CDH8: variants seen among roughly 807,000 people sequenced by gnomAD.
The protein encoded by CDH8 is cadherin-8.
In CDH8, 17 loss-of-function variants were observed where a neutral mutation model predicts 68.1. The ratio of observed to expected loss-of-function variants is 0.25; its 90% CI spans 0.17 to 0.37. The LOEUF (loss-of-function observed/expected upper bound fraction) is 0.37. Ranked by LOEUF, CDH8 falls within the 10% of genes least tolerant of loss-of-function variation. CDH8 has a pLI of 1.00. For missense variants in CDH8, 763 were observed against 999.3 expected (o/e 0.76, Z 3.19); for synonymous variants, 372 against 365.1 (o/e 1.02, Z -0.21).
chr16:61,733,393 C>CA (rs953650829), intron 8 of CDH8, among the ~76,000 whole-genome samples: 15 of 148,392 alleles, frequency 1.0e-4, no homozygotes, highest in Non-Finnish European at 1.3e-4. Context: ...TGACTTTTTG[C>CA]AAAAAAAAAT....
chr16:61,953,926 T>TATATATATATATATATAA (rs1366207636), intron 2 of CDH8, among the ~76,000 whole-genome samples: 4 of 118,982 alleles, frequency 3.4e-5, no homozygotes, highest in African/African-American at 1.3e-4. Context: ...TATATATATA[T>TATATATATATATATATAA]AAAATACCTT....
At chr16:61,747,842 T>A (rs1392230336) in intron 8 of CDH8, among the ~76,000 whole-genome samples, 2 of 152,072 alleles carry the variant, frequency 1.3e-5, no homozygotes, top group Non-Finnish European at 2.9e-5. Context: ...ATTGTCAACC[T>A]CTGAATTTCT....
intron 2 of CDH8, among the ~76,000 whole-genome samples, chr16:61,916,142 G>A (rs946205797): frequency 1.3e-5 from 2 of 152,164 alleles, no homozygotes; most frequent in African/African-American, 4.8e-5. Flanking sequence ...CTTCCTCCAA[G>A]TATTTCTATA....
intron 2 of CDH8, among the ~76,000 whole-genome samples, chr16:62,005,149 C>A (rs1433713165): frequency 6.6e-6 from 1 of 152,216 alleles, no homozygotes. Flanking sequence ...CCTACCAGGT[C>A]ACAGTACATA....
chr16:61,947,806 T>C (rs1567539972), intron 2 of CDH8, among the ~76,000 whole-genome samples: 1 of 152,160 alleles, frequency 6.6e-6, no homozygotes, highest in Non-Finnish European at 1.5e-5. Context: ...TGAATTGTTA[T>C]TGGTCAACTT....
chr16:61,962,638 T>C (rs1483745217), intron 2 of CDH8, among the ~76,000 whole-genome samples: 5 of 152,182 alleles, frequency 3.3e-5, no homozygotes, highest in Non-Finnish European at 7.3e-5. Flanking sequence ...TCCTTTCTGT[T>C]CAAAACTGAA....
In CDH8 at chr16:61,782,716, G is replaced by T. The variant is rs570102671; in HGVS notation, c.1414+6630C>A. On this transcript the variant is annotated intron_variant, in intron 8 of 11. Transcript: ENST00000577390. The stretch of plus-strand genomic sequence containing the variant: ...CTGACAGCTTTGAAGAGAGCAGTGG[G>T]TCTCCCAGCATGCAGCTGGAGATCT... Among the ~76,000 whole-genome samples the T allele has an allele frequency of 5.3e-3, 805 of 151,676 alleles. 2 individuals are homozygous for T. The highest frequency in any genetic ancestry group is 7.4e-3 in the Non-Finnish European group (501 of 67,806).
At chr16:61,881,384 T>C (rs1395484904) in intron 3 of CDH8, among the ~76,000 whole-genome samples, 6 of 151,806 alleles carry the variant, frequency 4.0e-5, no homozygotes, top group African/African-American at 1.5e-4. Flanking sequence ...GGAGAGTGAA[T>C]TAAAAAATAA....
At chr16:61,660,770 A>C (rs760975256) in intron 10 of CDH8, among the ~76,000 whole-genome samples, 13 of 152,076 alleles carry the variant, frequency 8.5e-5, no homozygotes, top group Non-Finnish European at 1.6e-4. Context: ...TAACATATTC[A>C]AAATGCTCAA....
intron 6 of CDH8, 47 bp downstream of exon 6, chr16:61,820,879 G>A: frequency 6.5e-7 from 1 of 1,531,284 alleles, no homozygotes; most frequent in Non-Finnish European, 8.9e-7. Flanking sequence ...TAAAACTCAA[G>A]TTTCAACAAG....
intron 10 of CDH8, among the ~76,000 whole-genome samples, chr16:61,660,196 G>A (rs533766007): frequency 3.4e-4 from 51 of 152,124 alleles, no homozygotes; most frequent in Non-Finnish European, 5.9e-4. Context: ...TCCCAGTTTT[G>A]CTATATTATC....
intron 3 of CDH8, among the ~76,000 whole-genome samples, chr16:61,865,657 TC>T (rs1963239864): frequency 6.6e-6 from 1 of 152,196 alleles, no homozygotes; most frequent in African/African-American, 2.4e-5. Flanking sequence ...GTTTTATAGT[TC>T]CATGTGCATA....
chr16:61,740,809 C>A (rs1188843042), intron 8 of CDH8, among the ~76,000 whole-genome samples: 2 of 151,930 alleles, frequency 1.3e-5, no homozygotes, highest in Non-Finnish European at 2.9e-5. Flanking sequence ...CATTTGGGTT[C>A]TTTCAGTATT....
intron 8 of CDH8, among the ~76,000 whole-genome samples, chr16:61,745,465 C>T (rs1959997848): frequency 2.0e-5 from 3 of 151,960 alleles, no homozygotes; most frequent in Non-Finnish European, 4.4e-5. Context: ...CCTTCCTCCT[C>T]TCTGGAGTGT....
intron 8 of CDH8, among the ~76,000 whole-genome samples, chr16:61,761,289 T>C (rs1960460836): frequency 6.6e-6 from 1 of 152,188 alleles, no homozygotes; most frequent in Admixed American, 6.6e-5. Context: ...CTGCAAGTTA[T>C]AAATAGAGAC....
intron 2 of CDH8, among the ~76,000 whole-genome samples, chr16:61,906,207 T>C (rs1350095198): frequency 1.3e-5 from 2 of 152,194 alleles, no homozygotes; most frequent in African/African-American, 4.8e-5. Flanking sequence ...AGTTTTGTTG[T>C]AGTATATTGC....
chr16:61,727,274 A>C, intron 8 of CDH8, 59 bp from the exon 9 acceptor site: 1 of 1,512,676 alleles, frequency 6.6e-7, no homozygotes, highest in South Asian at 1.3e-5. Context: ...CGTGCAACTC[A>C]ACTTTCTCTT....
At chr16:61,904,754 C>T (rs1169535953) in intron 2 of CDH8, among the ~76,000 whole-genome samples, 12 of 152,134 alleles carry the variant, frequency 7.9e-5, no homozygotes, top group Non-Finnish European at 8.8e-5. Flanking sequence ...ACAAAATGAG[C>T]TAAGAATATT....
intron 10 of CDH8, among the ~76,000 whole-genome samples, chr16:61,664,670 T>A (rs775234132): frequency 2.0e-5 from 3 of 151,870 alleles, no homozygotes; most frequent in Non-Finnish European, 4.4e-5. Context: ...AGCAATAAAC[T>A]GAGGGCGCTT....
Sources: allele counts gnomAD v4.1 joint callset (sites outside exome capture counted in the v4.1 genomes callset), GRCh38; gene constraint gnomAD v4.1.1; transcripts MANE v1.5; gene names NCBI Gene and HGNC (gene_info 2026-07-23, HGNC 2026-07-21).